Variants in LGR4 observed in about 807,000 individuals in gnomAD.
LGR4 encodes leucine-rich repeat-containing G protein-coupled receptor 4.
In LGR4, 44 loss-of-function variants were observed where a neutral mutation model predicts 84.8. That is an observed-to-expected ratio of 0.52 (90% CI 0.41 to 0.67). LGR4 has a LOEUF of 0.67. Among genes scored for constraint, LGR4 ranks in the 30% least tolerant of loss-of-function variants. LGR4 has a pLI of 0.00. For synonymous variants in LGR4, 429 were observed against 434.3 expected (o/e 0.99, Z 0.15); for missense variants, 1,032 against 1,131.4 (o/e 0.91, Z 1.26).
At chr11:27,424,009 T>G (rs1283192607) in intron 1 of LGR4, among the ~76,000 whole-genome samples, 1 of 152,214 alleles carries the variant, frequency 6.6e-6, no homozygotes, top group African/African-American at 2.4e-5. Flanking sequence ...GAAAGATGAC[T>G]GAGAGTTACT....
chr11:27,421,161 G>A (rs1465721847), intron 1 of LGR4, among the ~76,000 whole-genome samples: 1 of 152,150 alleles, frequency 6.6e-6, no homozygotes, highest in Admixed American at 6.6e-5. Context: ...ACCCAGACCT[G>A]CTTAATTCCA....
At chr11:27,421,490 T>C (rs975388725) in intron 1 of LGR4, among the ~76,000 whole-genome samples, 3 of 152,156 alleles carry the variant, frequency 2.0e-5, no homozygotes, top group Non-Finnish European at 4.4e-5. Flanking sequence ...GATGAAGCAA[T>C]ACAGCCTAGG....
intron 1 of LGR4, among the ~76,000 whole-genome samples, chr11:27,440,935 A>G (rs1408986842): frequency 6.6e-6 from 1 of 152,224 alleles, no homozygotes; most frequent in Non-Finnish European, 1.5e-5. Context: ...AATACACATT[A>G]TAGTGGCACA....
intron 1 of LGR4, among the ~76,000 whole-genome samples, chr11:27,446,285 T>C (rs1864388715): frequency 6.6e-6 from 1 of 152,234 alleles, no homozygotes; most frequent in African/African-American, 2.4e-5. Context: ...CTCTTTAGTT[T>C]AATTAGATCC....
rs1862814228 is a variant in LGR4, at chr11:27,368,576, A to C, written c.2147T>G (p.Leu716Arg). Residue 716 changes from leucine to arginine, a missense_variant, in exon 18 of 18, where the codon CTA (leucine) becomes CGA (arginine). Transcript: ENST00000379214. ...GATAACGGCCATTAATAAAAATGCT[A>C]GTGAGTTTAATAGCACTAACGTTAC... ...FTVTLVLLNSLAFLLMAVIYT... is the reference protein window; with the variant it reads ...FTVTLVLLNSRAFLLMAVIYT... The C allele has an allele frequency of 6.2e-7, 1 of 1,609,358 alleles. No homozygotes were observed. The highest frequency in any genetic ancestry group is 1.7e-5 in the Admixed American group (1 of 59,770).
At chr11:27,451,686 G>A (rs550908399) in intron 1 of LGR4, among the ~76,000 whole-genome samples, 1 of 152,188 alleles carries the variant, frequency 6.6e-6, no homozygotes, top group African/African-American at 2.4e-5. Flanking sequence ...AAATGTGTGT[G>A]CTTTTAGTGG....
chr11:27,429,401 C>T (rs1224170974), intron 1 of LGR4, among the ~76,000 whole-genome samples: 2 of 151,594 alleles, frequency 1.3e-5, no homozygotes, highest in Non-Finnish European at 2.9e-5. Flanking sequence ...AGCAGAATCA[C>T]GAACCCTGGA....
chr11:27,398,284 G>A (rs1479850877), intron 2 of LGR4, among the ~76,000 whole-genome samples: 1 of 152,168 alleles, frequency 6.6e-6, no homozygotes, highest in Non-Finnish European at 1.5e-5. Flanking sequence ...GGTAATCTGG[G>A]CCAAAGTTAA....
rs71480151 is a variant in LGR4 at position 27,388,005 on chromosome 11, C to T, written c.402-2537G>A. Among the ~76,000 whole-genome samples the T allele has an allele frequency of 5.4e-3, 820 of 152,190 alleles. 3 individuals carry two copies. Among genetic ancestry groups the T allele is most frequent in the Non-Finnish European group, 8.7e-3 (592 of 68,010 alleles). On this transcript the variant is annotated intron_variant, in intron 4 of 17. Transcript: ENST00000379214. ...GCTAGAAAACTAGGTGAGTTTTGAG[C>T]TAAGACAGTAATAAAGCTATCTTCT...
At chr11:27,424,507 C>G (rs79601755) in intron 1 of LGR4, among the ~76,000 whole-genome samples, 124 of 152,044 alleles carry the variant, frequency 8.2e-4, no homozygotes, top group Non-Finnish European at 1.5e-3. Context: ...CTTACTAATT[C>G]TCCCAGGCCC....
chr11:27,455,819 C>T (rs777538454), intron 1 of LGR4, among the ~76,000 whole-genome samples: 31 of 152,230 alleles, frequency 2.0e-4, no homozygotes, highest in Non-Finnish European at 3.4e-4. Flanking sequence ...CAACACCCTA[C>T]CTGCAAAACC....
chr11:27,447,125 G>C (rs963510655), intron 1 of LGR4, among the ~76,000 whole-genome samples: 2 of 151,986 alleles, frequency 1.3e-5, no homozygotes, highest in Non-Finnish European at 2.9e-5. Flanking sequence ...CATGGCACAT[G>C]TATACATATG....
At chr11:27,469,852 G>A (rs1219507257) in intron 1 of LGR4, among the ~76,000 whole-genome samples, 1 of 152,182 alleles carries the variant, frequency 6.6e-6, no homozygotes, top group Non-Finnish European at 1.5e-5. Flanking sequence ...AAAGACCCTA[G>A]GTGATCGCAA....
At chr11:27,448,558 C>G (rs1157485179) in intron 1 of LGR4, among the ~76,000 whole-genome samples, 5 of 152,160 alleles carry the variant, frequency 3.3e-5, no homozygotes, top group African/African-American at 1.2e-4. Flanking sequence ...TCCCAAAGTG[C>G]TAGGATTACA....
chr11:27,408,422 G>T (rs1455848477), intron 2 of LGR4, among the ~76,000 whole-genome samples: 1 of 152,112 alleles, frequency 6.6e-6, no homozygotes, highest in African/African-American at 2.4e-5. Context: ...CTGTCCAAGT[G>T]CCAAAGCTGG....
At position 27,373,965 on chromosome 11, in the gene LGR4, A is replaced by T. The variant is rs1372093309; in HGVS notation, c.1253+10T>A. 6 of 1,575,476 alleles carry T rather than the reference A, an allele frequency of 3.8e-6. No homozygotes were observed. The highest frequency in any genetic ancestry group is 5.2e-6 in the Non-Finnish European group (6 of 1,144,968). The stretch of plus-strand genomic sequence containing the variant: ...ACTTTCATGACATTACTGCATAATC[A>T]TCCACTTACAGGTTAGTTATTGGCC... On this transcript the variant is annotated intron_variant, in intron 14 of 17. Coordinates refer to ENST00000379214, the MANE Select transcript of LGR4 (RefSeq NM_018490.5).
chr11:27,403,889 C>T (rs371564218), intron 2 of LGR4, among the ~76,000 whole-genome samples: 6 of 152,246 alleles, frequency 3.9e-5, no homozygotes, highest in Middle Eastern at 3.4e-3. Flanking sequence ...ATTCTAGCAT[C>T]TCTAAAATGA....
At chr11:27,428,139 CTT>C (rs1047115952) in intron 1 of LGR4, among the ~76,000 whole-genome samples, 1 of 145,454 alleles carries the variant, frequency 6.9e-6, no homozygotes. Flanking sequence ...ATCTTGCATT[CTT>C]TTTTTTTTTT....
At position 27,472,498 on chromosome 11, in the gene LGR4, T is replaced by A. The variant is rs1864899632; in HGVS notation, c.-196A>T. ...ACGCGGCGCTCCGGAGTTTCGCCCT[T>A]CCCGCTGCTCCATGGACGCGCAGAG... is the stretch of plus-strand genomic sequence containing the variant. On this transcript the variant is annotated 5_prime_UTR_variant, in exon 1 of 18. Coordinates refer to ENST00000379214, the MANE Select transcript of LGR4 (RefSeq NM_018490.5). 2.5e-6 allele frequency: 1 copy of A among 396,226 alleles called. No homozygotes were observed. Among genetic ancestry groups the A allele is most frequent in the Admixed American group, 4.5e-5 (1 of 22,212 alleles). 24.5% of individuals were successfully genotyped at this position (396,226 alleles called of 1,614,324 possible). A position where few individuals can be genotyped will look rare whatever the true frequency, so the allele number is the denominator to read the frequency against.
Sources: allele counts gnomAD v4.1 joint callset (sites outside exome capture counted in the v4.1 genomes callset), GRCh38; gene constraint gnomAD v4.1.1; transcripts MANE v1.5; gene names NCBI Gene and HGNC (gene_info 2026-07-23, HGNC 2026-07-21).